REEP1: variants seen among roughly 807,000 people sequenced by gnomAD.
REEP1 encodes receptor expression-enhancing protein 1.
REEP1 carries 22 observed loss-of-function variants against 40.3 expected under a neutral mutation model. The ratio of observed to expected loss-of-function variants is 0.55; its 90% CI spans 0.39 to 0.78. The LOEUF is 0.78. Ranked by LOEUF, REEP1 falls within the 30% of genes least tolerant of loss-of-function variation. The pLI is 0.00. For missense variants in REEP1, 280 were observed against 361.1 expected (o/e 0.78, Z 1.82); for synonymous variants, 116 against 139.2 (o/e 0.83, Z 1.17).
At chr2:86,281,657 G>A (rs952033133) in intron 2 of REEP1, among the ~76,000 whole-genome samples, 18 of 152,242 alleles carry the variant, frequency 1.2e-4, no homozygotes, top group East Asian at 3.9e-4. Flanking sequence ...ACAGATATAG[G>A]ATGATAAAAA....
chr2:86,337,960 C>T (rs1573081981), upstream of REEP1: 1 of 1,432,844 alleles, frequency 7.0e-7, no homozygotes, highest in East Asian at 2.5e-5. This position sits in a 1 kb window ranked among gnomAD's most constrained non-coding sequence, Gnocchi z 5.8. Context: ...TCTGTCTGCA[C>T]CTGTCTAGGT....
intron 6 of REEP1, among the ~76,000 whole-genome samples, chr2:86,231,232 T>TGG (rs567671736): frequency 2.7e-4 from 40 of 149,604 alleles, no homozygotes; most frequent in Non-Finnish European, 4.5e-4. Flanking sequence ...ATTCCATTCC[T>TGG]GGGGGGGGGT....
chr2:86,243,367 A>G (rs1047626541), intron 5 of REEP1, among the ~76,000 whole-genome samples: 1 of 152,190 alleles, frequency 6.6e-6, no homozygotes, highest in Admixed American at 6.5e-5. Context: ...GAGGTCAGGC[A>G]GGCAGGCTTC....
rs571004750 is a variant in REEP1 at position 86,257,040 on chromosome 2, T to C, written c.183-2226A>G. ...CTGCCTCTGGTGGGTGCTTCCTGAA[T>C]ATTTCCTCAGCAATTAGTGGGCACT... On this transcript the variant is annotated intron_variant, in intron 3 of 8. Coordinates refer to ENST00000538924, the MANE Select transcript of REEP1 (RefSeq NM_001371279.1). Among the ~76,000 whole-genome samples the C allele has an allele frequency of 5.7e-3, 867 of 152,332 alleles. 5 individuals carry two copies. The highest frequency in any genetic ancestry group is 0.011 in the Non-Finnish European group (716 of 68,036).
rs1675209766 is a variant in REEP1, at chr2:86,234,669, G to GT, written c.418-1868dup. Among the ~76,000 whole-genome samples the GT allele has an allele frequency of 2.6e-5, 4 of 152,138 alleles. No homozygotes were observed. In the South Asian group the frequency reaches 8.3e-4, roughly 32 times the overall value. ...CAAAGAAAACTATTTAAAAAGAATT[G>GT]TAAGTCCAGGCCAAGAAGTATTTGG... is the stretch of plus-strand genomic sequence containing the variant. On this transcript the variant is annotated intron_variant, in intron 5 of 8. Coordinates refer to ENST00000538924, the MANE Select transcript of REEP1 (RefSeq NM_001371279.1).
At chr2:86,233,858 C>G (rs998135119) in intron 5 of REEP1, among the ~76,000 whole-genome samples, 1 of 152,026 alleles carries the variant, frequency 6.6e-6, no homozygotes, top group African/African-American at 2.4e-5. Context: ...GTTTTCTATG[C>G]CACTTGGATA....
intron 6 of REEP1, 100 bp downstream of exon 6, chr2:86,232,524 TG>T: frequency 7.1e-7 from 1 of 1,415,594 alleles, no homozygotes; most frequent in Non-Finnish European, 9.8e-7. Flanking sequence ...GGCAGGTCCG[TG>T]GGGCCAGGGC....
chr2:86,292,524 T>A (rs1416551244), intron 1 of REEP1, among the ~76,000 whole-genome samples: 3 of 152,268 alleles, frequency 2.0e-5, no homozygotes, highest in African/African-American at 7.2e-5. Context: ...AAGATTCACT[T>A]ACAATGACTG....
At chr2:86,302,553 A>T (rs1650926691) in intron 1 of REEP1, among the ~76,000 whole-genome samples, 1 of 152,236 alleles carries the variant, frequency 6.6e-6, no homozygotes, top group Admixed American at 6.5e-5. Context: ...GAGGCAAACA[A>T]AGATTAACAC....
intron 6 of REEP1, among the ~76,000 whole-genome samples, chr2:86,230,049 G>A (rs923481608): frequency 5.9e-5 from 9 of 152,204 alleles, no homozygotes; most frequent in African/African-American, 2.2e-4. Context: ...GGCCAAGGGG[G>A]CCAGCAGTGA....
chr2:86,271,158 C>G (rs1677425788), intron 2 of REEP1, among the ~76,000 whole-genome samples: 1 of 151,930 alleles, frequency 6.6e-6, no homozygotes. Context: ...TGCCACTGCA[C>G]TCCAGCCTGG....
chr2:86,236,580 G>T (rs765093275), intron 5 of REEP1, among the ~76,000 whole-genome samples: 8 of 152,112 alleles, frequency 5.3e-5, no homozygotes, highest in Non-Finnish European at 1.0e-4. Flanking sequence ...GGAGGATGAG[G>T]GGGGAGGATT....
intron 2 of REEP1, among the ~76,000 whole-genome samples, chr2:86,276,191 G>C (rs969820813): frequency 5.3e-5 from 8 of 152,224 alleles, no homozygotes; most frequent in Admixed American, 1.3e-4. Flanking sequence ...CCACTGCTCA[G>C]AGACCATGTT....
At position 86,252,021 on chromosome 2, in the gene REEP1, A is replaced by G. The variant is rs1553461156; in HGVS notation, c.353T>C (p.Leu118Pro). The G allele has an allele frequency of 6.2e-7, 1 of 1,614,018 alleles. No individual in the cohort carries two copies. Among genetic ancestry groups the G allele is most frequent in the Admixed American group, 1.7e-5 (1 of 59,984 alleles). ...CAAGCCCCGCTTCCCGAAGTGCACA[A>G]GGGCATCGTAACTTCGGTCTTTTGC... The part of the protein sequence containing the change: ...VQAKDRSYDA[L>P]VHFGKRGLNV... Residue 118 changes from leucine (L) to proline (P), a missense_variant, in exon 5 of 9, where the codon CTT becomes CCT. Physicochemically the swap from Leu to Pro is moderately conservative, Grantham distance 98 (BLOSUM62 -3). Coordinates refer to ENST00000538924, the MANE Select transcript of REEP1 (RefSeq NM_001371279.1).
Position 86,310,410 on chromosome 2 carries a change from G to A in REEP1, c.32+27069C>T, listed in dbSNP as rs186208921. 2.0e-5 allele frequency among the ~76,000 whole-genome samples: 3 copies of A among 152,284 alleles called. No individual in the cohort carries two copies. In the East Asian group the frequency reaches 5.8e-4, roughly 29 times the overall value. On this transcript the variant is annotated intron_variant, in intron 1 of 8. Transcript: ENST00000538924. ...CATGCTGTGCAGGTTTGCAGCCTAG[G>A]AGCAATAGGCCATACCATGTAGCCT...
intron 1 of REEP1, among the ~76,000 whole-genome samples, chr2:86,288,498 T>C (rs1223011721): frequency 6.6e-6 from 1 of 152,228 alleles, no homozygotes; most frequent in East Asian, 1.9e-4. Flanking sequence ...CTTTACTATA[T>C]GAACATATTA....
intron 5 of REEP1, among the ~76,000 whole-genome samples, chr2:86,243,065 A>T (rs1227432124): frequency 6.6e-6 from 1 of 152,200 alleles, no homozygotes; most frequent in Non-Finnish European, 1.5e-5. Flanking sequence ...GAACACTTGG[A>T]TTGAGCCCTG....
At chr2:86,268,067 G>T (rs185513816) in intron 2 of REEP1, among the ~76,000 whole-genome samples, 1 of 152,110 alleles carries the variant, frequency 6.6e-6, no homozygotes, top group East Asian at 1.9e-4. Context: ...TGAGAAAATA[G>T]ATGATTTCCT....
At chr2:86,247,586 T>C (rs1277876629) in intron 5 of REEP1, among the ~76,000 whole-genome samples, 1 of 152,010 alleles carries the variant, frequency 6.6e-6, no homozygotes, top group Admixed American at 6.5e-5. Context: ...TTGTTTTTTG[T>C]TTGTTTGTTT....
Sources: allele counts gnomAD v4.1 joint callset (sites outside exome capture counted in the v4.1 genomes callset), GRCh38; gene constraint gnomAD v4.1.1; non-coding constraint Gnocchi (gnomAD v3.1); transcripts MANE v1.5; gene names NCBI Gene and HGNC (gene_info 2026-07-23, HGNC 2026-07-21).